The following AUTS2 variants were observed in gnomAD, a reference collection of about 807,000 sequenced individuals.
AUTS2 encodes the protein autism susceptibility gene 2 protein.
AUTS2 carries 17 observed loss-of-function variants against 112.4 expected under a neutral mutation model. The ratio of observed to expected loss-of-function variants is 0.15; its 90% CI spans 0.10 to 0.23. AUTS2 has a LOEUF of 0.23. Ranked by LOEUF, AUTS2 falls within the 10% of genes least tolerant of loss-of-function variation. AUTS2 has a pLI of 1.00. For synonymous variants in AUTS2, 751 were observed against 702.7 expected (o/e 1.07, Z -1.09); for missense variants, 1,510 against 1,701.6 (o/e 0.89, Z 1.98).
intron 5 of AUTS2, among the ~76,000 whole-genome samples, chr7:70,491,716 G>C (rs1336027275): frequency 6.6e-6 from 1 of 151,480 alleles, no homozygotes; most frequent in Non-Finnish European, 1.5e-5. Context: ...CCAGGTTCAA[G>C]CGATTCTCCT....
chr7:70,758,701 A>G (rs1251752727), intron 6 of AUTS2, among the ~76,000 whole-genome samples: 5 of 152,230 alleles, frequency 3.3e-5, no homozygotes, highest in African/African-American at 1.2e-4. Flanking sequence ...AAATTCAGCA[A>G]CTTTCATTCT....
intron 5 of AUTS2, among the ~76,000 whole-genome samples, chr7:70,652,517 G>T (rs2129541904): frequency 6.6e-6 from 1 of 152,294 alleles, no homozygotes; most frequent in Non-Finnish European, 1.5e-5. Context: ...AAATGTAAAA[G>T]ACTACACTGA....
chr7:70,373,889 G>C (rs1457003890), intron 4 of AUTS2, among the ~76,000 whole-genome samples: 1 of 151,828 alleles, frequency 6.6e-6, no homozygotes, highest in Non-Finnish European at 1.5e-5. Flanking sequence ...CTGTTTAGAA[G>C]TCATCTTTTT....
intron 2 of AUTS2, among the ~76,000 whole-genome samples, chr7:70,075,204 A>G (rs534560575): frequency 1.3e-5 from 2 of 152,334 alleles, no homozygotes; most frequent in South Asian, 4.1e-4. Context: ...AAGTCTCAAC[A>G]TAGCTCAGAA....
intron 1 of AUTS2, among the ~76,000 whole-genome samples, chr7:69,704,435 G>A (rs1314822781): frequency 2.6e-5 from 4 of 151,926 alleles, no homozygotes; most frequent in African/African-American, 9.7e-5. Context: ...CTGCCACCAC[G>A]CCCGGCTAAT....
At chr7:69,744,475 T>G (rs1424383938) in intron 1 of AUTS2, among the ~76,000 whole-genome samples, 2 of 152,118 alleles carry the variant, frequency 1.3e-5, no homozygotes, top group Non-Finnish European at 2.9e-5. Flanking sequence ...TGTTTCCTCT[T>G]CAGGAGTCAT....
chr7:69,799,967 A>G (rs1279501277), intron 1 of AUTS2, among the ~76,000 whole-genome samples: 5 of 152,212 alleles, frequency 3.3e-5, no homozygotes, highest in Non-Finnish European at 1.5e-5. Flanking sequence ...TCTAAAGATA[A>G]TGAAGAACTA....
At chr7:70,300,239 G>C (rs980741600) in intron 4 of AUTS2, among the ~76,000 whole-genome samples, 3 of 152,086 alleles carry the variant, frequency 2.0e-5, no homozygotes, top group Admixed American at 6.5e-5. Flanking sequence ...TGATGAGCTA[G>C]AAAAATAATA....
At chr7:70,471,114 G>A (rs945241025) in intron 5 of AUTS2, among the ~76,000 whole-genome samples, 3 of 152,152 alleles carry the variant, frequency 2.0e-5, no homozygotes, top group East Asian at 1.9e-4. Flanking sequence ...CTATTTCACC[G>A]CACAAAGGCT....
chr7:69,834,147 A>C (rs796594745), intron 1 of AUTS2, among the ~76,000 whole-genome samples: 43 of 152,112 alleles, frequency 2.8e-4, no homozygotes, highest in Admixed American at 8.5e-4. Flanking sequence ...CTGCACCTCT[A>C]CGTCACTCTT....
intron 5 of AUTS2, among the ~76,000 whole-genome samples, chr7:70,463,528 T>A (rs1345605453): frequency 6.6e-6 from 1 of 152,214 alleles, no homozygotes; most frequent in East Asian, 1.9e-4. Context: ...TTTGCCAAAC[T>A]GTGATAAATC....
chr7:69,941,752 G>A (rs928419802), intron 2 of AUTS2, among the ~76,000 whole-genome samples: 2 of 152,112 alleles, frequency 1.3e-5, no homozygotes, highest in Admixed American at 1.3e-4. Context: ...GGATTACTTT[G>A]TGAGGAATTA....
intron 1 of AUTS2, among the ~76,000 whole-genome samples, chr7:69,662,202 T>C (rs1301111309): frequency 6.6e-6 from 1 of 151,474 alleles, no homozygotes; most frequent in Non-Finnish European, 1.5e-5. Flanking sequence ...TAATTAACAG[T>C]TGATTTGACT....
chr7:70,052,291 G>A (rs534247494), intron 2 of AUTS2, among the ~76,000 whole-genome samples: 1 of 152,248 alleles, frequency 6.6e-6, no homozygotes, highest in Admixed American at 6.5e-5. Flanking sequence ...GACTGGCCAA[G>A]GGGGAATGAC....
chr7:70,516,129 C>G (rs1203837587), intron 5 of AUTS2, among the ~76,000 whole-genome samples: 1 of 152,176 alleles, frequency 6.6e-6, no homozygotes, highest in Non-Finnish European at 1.5e-5. Context: ...GTAACTGATT[C>G]TTGTAGCAGA....
chr7:70,787,452 C>T (rs765114378), intron 18 of AUTS2, 21 bp downstream of exon 18: 28 of 1,546,248 alleles, frequency 1.8e-5, no homozygotes, highest in Non-Finnish European at 2.5e-5. Context: ...AAACCGCTCT[C>T]GAGTCCCCAC....
In AUTS2 at chr7:69,599,754, CGGCCGGCGGCGGCGGGGCTGGCCG is replaced by C. The variant is rs762676699; in HGVS notation, c.103_126del (p.Ala35_Arg42del). 25 of 1,365,388 alleles carry C rather than the reference CGGCCGGCGGCGGCGGGGCTGGCCG, an allele frequency of 1.8e-5. No individual in the cohort carries two copies. Among genetic ancestry groups the C allele is most frequent in the Non-Finnish European group, 2.1e-5 (22 of 1,063,372 alleles). The allele number at this position is 1,365,388 out of a possible 1,614,324, so 84.6% of individuals were successfully genotyped here. On this transcript the variant is annotated inframe_deletion, in exon 1 of 19. Transcript: ENST00000342771. The surrounding 1 kb of genome is among the most constrained non-coding windows in gnomAD (Gnocchi z 7.0). ...TCCCGGGGCGGGCTGGGGGCCGGCG[CGGCCGGCGGCGGCGGGGCTGGCCG>C]GACCCGGGCGCTCTCACTCGCCTCG...
intron 5 of AUTS2, among the ~76,000 whole-genome samples, chr7:70,640,480 G>C (rs887855483): frequency 1.3e-5 from 2 of 149,518 alleles, no homozygotes; most frequent in African/African-American, 4.9e-5. Context: ...GGACTGGCAT[G>C]CTAGGCTAAT....
intron 1 of AUTS2, among the ~76,000 whole-genome samples, chr7:69,655,510 A>G (rs927860324): frequency 1.3e-5 from 2 of 152,188 alleles, no homozygotes; most frequent in Non-Finnish European, 2.9e-5. Context: ...CCCACCCCAG[A>G]CCTACTGAAC....
Sources: gnomAD v4.1 joint callset for allele counts (sites outside exome capture counted in the v4.1 genomes callset) on GRCh38, gnomAD v4.1.1 for gene constraint, Gnocchi (gnomAD v3.1) non-coding constraint, MANE v1.5 for transcripts, NCBI Gene and HGNC (gene_info 2026-07-23, HGNC 2026-07-21) for gene names.